The following CBL variants were observed in gnomAD, a reference collection of about 807,000 sequenced individuals.
CBL encodes the protein E3 ubiquitin-protein ligase CBL.
Under a neutral mutation model 96.9 loss-of-function variants are expected in CBL, and 45 were observed. That is an observed-to-expected ratio of 0.46 (90% CI 0.37 to 0.60). The LOEUF (loss-of-function observed/expected upper bound fraction) is 0.60, where lower values mean the gene tolerates loss of function less well. Ranked by LOEUF, CBL falls within the 20% of genes least tolerant of loss-of-function variation. The pLI, the probability that CBL is intolerant of heterozygous loss-of-function variation, is 0.00. For missense variants in CBL, 1,024 were observed against 1,143.5 expected (o/e 0.90, Z 1.51); for synonymous variants, 420 against 426.8 (o/e 0.98, Z 0.20).
chr11:119,278,681 C>G lies in CBL; in HGVS notation c.1399C>G (p.Leu467Val), dbSNP rs771673435. The change falls in exon 9 of 16, where the codon CTC (leucine) becomes GTC (valine). Residue 467 changes from leucine to valine, a missense_variant. By Grantham distance (32) the Leu-to-Val change is conservative. Transcript: ENST00000264033. The part of the protein sequence containing the change: ...DDDDERADDT[L>V]FMMKELAGAK... ...TGATGATGAACGAGCTGATGATACT[C>G]TCTTCATGATGAAGGAATTGGCTGG... 2.0e-5 allele frequency: 33 copies of G among 1,614,012 alleles called. No individual in the cohort carries two copies. The highest frequency in any genetic ancestry group is 2.7e-5 in the Non-Finnish European group (32 of 1,180,024).
chr11:119,237,407 T>C (rs1949554120), intron 2 of CBL, among the ~76,000 whole-genome samples: 1 of 152,210 alleles, frequency 6.6e-6, no homozygotes, highest in South Asian at 2.1e-4. Context: ...TCACAAAAGT[T>C]TTTAATTATG....
intron 15 of CBL, 142 bp from the exon 16 acceptor site, chr11:119,299,353 A>C (rs1276793816): frequency 1.3e-6 from 1 of 753,766 alleles, no homozygotes; most frequent in Non-Finnish European, 2.2e-6. Flanking sequence ...TTGAACCTGT[A>C]AAACCCAGCC....
rs1473693007 is a variant in CBL, at chr11:119,274,033, C to CTTTA, written c.747+10_747+11insTTAT. On this transcript the variant is annotated intron_variant, in intron 4 of 15. Coordinates refer to ENST00000264033, the MANE Select transcript of CBL (RefSeq NM_005188.4). ...TTACCCGACTCTTTCAGGTAGGACA[C>CTTTA]TAAAAAAGTTGACTAAACTGGTTAC... is the stretch of plus-strand genomic sequence containing the variant. 15 of 1,594,772 alleles carry CTTTA rather than the reference C, an allele frequency of 9.4e-6. No homozygotes were observed. The highest frequency in any genetic ancestry group is 1.3e-5 in the Non-Finnish European group (15 of 1,166,228).
At chr11:119,277,627 T>C in intron 6 of CBL, 130 bp from the exon 7 acceptor site, 1 of 674,902 alleles carries the variant, frequency 1.5e-6, no homozygotes, top group Non-Finnish European at 2.7e-6. Context: ...TTTTTTGAAG[T>C]AAGATTGATC....
intron 2 of CBL, among the ~76,000 whole-genome samples, chr11:119,255,880 C>T (rs969055419): frequency 1.3e-4 from 19 of 151,690 alleles, no homozygotes; most frequent in African/African-American, 3.9e-4. Context: ...TAAAATGGCC[C>T]ATTTCCCCTT....
At chr11:119,277,950 T>G (rs772370797) in intron 7 of CBL, 106 bp downstream of exon 7, 65 of 931,786 alleles carry the variant, frequency 7.0e-5, no homozygotes, top group Admixed American at 1.5e-4. Context: ...TTGACTAGAT[T>G]AGTGAATTTG....
chr11:119,215,118 T>C (rs1384778770), intron 1 of CBL, among the ~76,000 whole-genome samples: 1 of 152,076 alleles, frequency 6.6e-6, no homozygotes, highest in Non-Finnish European at 1.5e-5. Flanking sequence ...TTGAAAGGCA[T>C]GTAGAATAAA....
chr11:119,268,680 A>C (rs189789631), intron 2 of CBL, among the ~76,000 whole-genome samples: 92 of 152,354 alleles, frequency 6.0e-4, no homozygotes, highest in African/African-American at 2.1e-3. Flanking sequence ...TGAAAATAGC[A>C]GAGAGCAGAT....
In CBL at chr11:119,271,749, A is replaced by G. The variant is rs1949850724; in HGVS notation, c.458A>G (p.Lys153Arg). ...ENSQPRRNLT[K>R]LSLIFSHMLA... is the part of the protein sequence containing the mutation. Reference sequence around the variant, plus strand: ...ATCATTTGTAGGCGAAACCTAACCAAACTGTCCCTCATCTTCAGCCACATG... The same window carrying G: ...ATCATTTGTAGGCGAAACCTAACCAGACTGTCCCTCATCTTCAGCCACATG... Residue 153 changes from lysine to arginine, a missense_variant, in exon 3 of 16, where the codon AAA (lysine) becomes AGA (arginine). Lys to Arg is a conservative substitution (Grantham distance 26, BLOSUM62 2). Transcript: ENST00000264033. 3 of 1,614,060 alleles carry G rather than the reference A, an allele frequency of 1.9e-6. No homozygotes were observed.
At chr11:119,215,833 GAAA>G (rs371717786) in intron 1 of CBL, among the ~76,000 whole-genome samples, 2 of 145,918 alleles carry the variant, frequency 1.4e-5, no homozygotes, top group Non-Finnish European at 3.0e-5. Flanking sequence ...TCTCAAAAAA[GAAA>G]AAAAAAAGAT....
chr11:119,221,423 A>T (rs986199421), intron 1 of CBL, among the ~76,000 whole-genome samples: 1 of 152,116 alleles, frequency 6.6e-6, no homozygotes, highest in Admixed American at 6.6e-5. Flanking sequence ...ACAAAAAAGG[A>T]TGGGTTTCTG....
In CBL at chr11:119,287,876, G is replaced by A; in HGVS notation, c.1966G>A (p.Gly656Ser). The A allele has an allele frequency of 6.2e-7, 1 of 1,612,778 alleles. No individual in the cohort carries two copies. Among genetic ancestry groups the A allele is most frequent in the East Asian group, 2.2e-5 (1 of 44,876 alleles). The stretch of plus-strand genomic sequence containing the variant: ...GAGTATGAATAGCAGCCCATTAGTA[G>A]GTCCAGAGTGTGACCACCCCAAAAT... Reference protein sequence around the residue: ...SMSMNSSPLVGPECDHPKIKP... With the variant: ...SMSMNSSPLVSPECDHPKIKP... The change falls in exon 12 of 16, where the codon GGT becomes AGT. Residue 656 changes from glycine (G) to serine (S), a missense_variant. Coordinates refer to ENST00000264033, the MANE Select transcript of CBL (RefSeq NM_005188.4).
intron 4 of CBL, among the ~76,000 whole-genome samples, 188 bp downstream of exon 4, chr11:119,274,212 G>A (rs954448093): frequency 1.3e-5 from 2 of 151,592 alleles, no homozygotes; most frequent in African/African-American, 4.8e-5. Context: ...GTGTGTGTAT[G>A]TATATATAGT....
intron 2 of CBL, among the ~76,000 whole-genome samples, chr11:119,265,811 T>C (rs1388590378): frequency 6.6e-6 from 1 of 151,612 alleles, no homozygotes; most frequent in African/African-American, 2.4e-5. Flanking sequence ...TCACCTAAGG[T>C]TGGAAGTTCG....
intron 2 of CBL, among the ~76,000 whole-genome samples, chr11:119,270,471 G>T: frequency 1.1e-5 from 1 of 93,898 alleles, no homozygotes; most frequent in Non-Finnish European, 2.1e-5. Flanking sequence ...TTTTGAGACG[G>T]AGTCTCGCTC....
intron 9 of CBL, among the ~76,000 whole-genome samples, chr11:119,283,574 C>T (rs1949954327): frequency 7.1e-6 from 1 of 140,078 alleles, no homozygotes; most frequent in Non-Finnish European, 1.5e-5. Context: ...TTTGGTACCT[C>T]ATTTTTTAGA....
At chr11:119,216,367 TA>T (rs1949360280) in intron 1 of CBL, among the ~76,000 whole-genome samples, 1 of 151,138 alleles carries the variant, frequency 6.6e-6, no homozygotes, top group Non-Finnish European at 1.5e-5. Flanking sequence ...TTTATTTATT[TA>T]TTTATTTATT....
intron 9 of CBL, among the ~76,000 whole-genome samples, chr11:119,282,798 C>G (rs1949947524): frequency 1.3e-5 from 2 of 152,076 alleles, no homozygotes; most frequent in South Asian, 4.1e-4. Flanking sequence ...TTTAATAAAT[C>G]ACGGCCACCC....
intron 2 of CBL, among the ~76,000 whole-genome samples, chr11:119,234,092 C>T (rs1019060350): frequency 1.2e-4 from 18 of 152,080 alleles, no homozygotes; most frequent in Non-Finnish European, 4.4e-5. Context: ...CCGCAACCTC[C>T]GCCTCTTGGG....
Sources: allele counts gnomAD v4.1 joint callset (sites outside exome capture counted in the v4.1 genomes callset), GRCh38; gene constraint gnomAD v4.1.1; transcripts MANE v1.5; gene names NCBI Gene and HGNC (gene_info 2026-07-23, HGNC 2026-07-21).